TRIOBP: variants seen among roughly 807,000 people sequenced by gnomAD.
TRIOBP encodes the protein TRIO and F-actin-binding protein.
A neutral mutation model predicts 238.8 loss-of-function variants in TRIOBP; 169 were observed. The ratio of observed to expected loss-of-function variants is 0.71; its 90% CI spans 0.62 to 0.80. TRIOBP has a LOEUF of 0.80. Ranked by LOEUF, TRIOBP falls within the 30% of genes least tolerant of loss-of-function variation. The probability of loss-of-function intolerance (pLI) is 0.00; values close to 1 mark genes in which losing one functional copy is unlikely to be tolerated. For synonymous variants in TRIOBP, 1,150 were observed against 1,274.4 expected, an observed-to-expected ratio of 0.90 and a Z score of 2.08; for missense variants, 2,838 against 3,122.6, an observed-to-expected ratio of 0.91 and a Z score of 2.17.
chr22:37,748,651 G>A (rs1925411787), intron 11 of TRIOBP, among the ~76,000 whole-genome samples: 1 of 152,104 alleles, frequency 6.6e-6, no homozygotes, highest in African/African-American at 2.4e-5. Flanking sequence ...GGTAAACAGT[G>A]TATGTCCCTG....
intron 11 of TRIOBP, 188 bp from the exon 12 acceptor site, chr22:37,751,584 G>A (rs912395181): frequency 6.1e-6 from 4 of 650,556 alleles, no homozygotes; most frequent in African/African-American, 3.6e-5. Context: ...AAGGGGCCAG[G>A]GCTGCCTCAG....
chr22:37,764,492 TC>T (rs1926390432), intron 17 of TRIOBP, among the ~76,000 whole-genome samples: 1 of 152,174 alleles, frequency 6.6e-6, no homozygotes, highest in African/African-American at 2.4e-5. Context: ...ATTCAAGAGT[TC>T]CCCTGATAGG....
At chr22:37,758,762 T>G (rs1262131859) in intron 16 of TRIOBP, among the ~76,000 whole-genome samples, 1 of 152,006 alleles carries the variant, frequency 6.6e-6, no homozygotes, top group African/African-American at 2.4e-5. Context: ...CTGCACTGAC[T>G]CGTGGAATCC....
chr22:37,737,458 G>A (rs540931465), intron 9 of TRIOBP, among the ~76,000 whole-genome samples: 15 of 151,662 alleles, frequency 9.9e-5, no homozygotes, highest in African/African-American at 2.7e-4. Flanking sequence ...TCAGGAGATC[G>A]ACACCAGCCT....
At chr22:37,733,504 G>C in intron 8 of TRIOBP, 92 bp downstream of exon 8, 1 of 996,112 alleles carries the variant, frequency 1.0e-6, no homozygotes, top group Non-Finnish European at 1.6e-6. Flanking sequence ...GGCTTGGACA[G>C]GAAGGTCCTC....
In TRIOBP at chr22:37,757,917, C is replaced by T. The variant is rs1245577006; in HGVS notation, c.5992C>T (p.Pro1998Ser). ...GTTTGAGGCCACAGACAGCAGGACC[C>T]CAGAGGTGCCTGCTGGTGAGGGGCC... ...KWFEATDSRT[P>S]EVPAGEGPRR... The change falls in exon 16 of 24, where the codon CCA becomes TCA. Residue 1998 changes from proline to serine, a missense_variant. Around this residue, in one of 5 missense-constraint regions of TRIOBP, gnomAD observed 2,096 missense variants for 2,137.4 expected, o/e 0.98. Coordinates refer to ENST00000644935, the MANE Select transcript of TRIOBP (RefSeq NM_001039141.3). 2.6e-6 allele frequency: 4 copies of T among 1,553,974 alleles called. No homozygotes were observed. Among genetic ancestry groups the T allele is most frequent in the African/African-American group, 1.4e-5 (1 of 73,126 alleles).
In TRIOBP at chr22:37,757,808, C is replaced by G. The variant is rs777415241; in HGVS notation, c.5883C>G (p.Thr1961=). The change falls in exon 16 of 24, where the codon ACC becomes ACG. Residue 1961 remains threonine, a synonymous_variant. Transcript: ENST00000644935. ...LTQASPQRAR[T]PARTPDRLAK... The stretch of plus-strand genomic sequence containing the variant: ...AGGCTTCCCCGCAGCGGGCCCGCAC[C>G]CCAGCCCGCACTCCTGACCGCCTGG... 49 of 1,547,706 alleles carry G rather than the reference C, an allele frequency of 3.2e-5. No homozygotes were observed. The highest frequency in any genetic ancestry group is 4.1e-5 in the Non-Finnish European group (47 of 1,145,236).
chr22:37,702,506 G>A (rs1407118681), intron 3 of TRIOBP, among the ~76,000 whole-genome samples: 3 of 151,938 alleles, frequency 2.0e-5, no homozygotes, highest in African/African-American at 7.2e-5. Context: ...GCCTGGCCTC[G>A]AGAGTGTTTT....
At chr22:37,730,109 A>C (rs1924352962) in intron 7 of TRIOBP, among the ~76,000 whole-genome samples, 3 of 152,042 alleles carry the variant, frequency 2.0e-5, no homozygotes, top group African/African-American at 4.8e-5. Flanking sequence ...TCCTGTGGTC[A>C]TTTGAATTCA....
At chr22:37,741,420 A>G (rs920516116) in intron 11 of TRIOBP, among the ~76,000 whole-genome samples, 1 of 152,232 alleles carries the variant, frequency 6.6e-6, no homozygotes. Flanking sequence ...GGCCTGAGCC[A>G]GTTTCACAAA....
At chr22:37,758,577 G>A (rs184786425) in intron 16 of TRIOBP, among the ~76,000 whole-genome samples, 46 of 152,238 alleles carry the variant, frequency 3.0e-4, no homozygotes, top group Admixed American at 1.3e-3. Flanking sequence ...TTGAGAGGCT[G>A]AGGTGGGAGG....
chr22:37,733,411 AGGTGAGCACTGCCAGCTGTCTGG>A lies in TRIOBP; in HGVS notation c.4062+2_4062+24del. 6.5e-7 allele frequency: 1 copy of A among 1,550,242 alleles called. No homozygotes were observed. The highest frequency in any genetic ancestry group is 2.4e-5 in the East Asian group (1 of 40,922). ...CAGTCCAGCCCTGCCCCCAGCAGGC[AGGTGAGCACTGCCAGCTGTCTGG>A]GGCCCCGCACCCCAAGGGGCGGCCA... is the stretch of plus-strand genomic sequence containing the variant. On this transcript the variant is annotated splice_donor_variant and splice_donor_5th_base_variant and coding_sequence_variant and intron_variant, in exon 8 of 24. Coordinates refer to ENST00000644935, the MANE Select transcript of TRIOBP (RefSeq NM_001039141.3). LOFTEE classifies it high-confidence loss of function.
At chr22:37,746,069 C>T (rs1306542425) in intron 11 of TRIOBP, among the ~76,000 whole-genome samples, 10 of 148,302 alleles carry the variant, frequency 6.7e-5, no homozygotes, top group Admixed American at 4.7e-4. Flanking sequence ...GTCCCGCCGC[C>T]CCGCCGCCCT....
Position 37,724,508 on chromosome 22 carries a change from C to T in TRIOBP, c.1952C>T (p.Ser651Phe), listed in dbSNP as rs760246167. 14 of 1,603,582 alleles carry T rather than the reference C, an allele frequency of 8.7e-6. No homozygotes were observed. Among genetic ancestry groups the T allele is most frequent in the Admixed American group, 6.7e-5 (4 of 59,604 alleles). Residue 651 changes from serine to phenylalanine, a missense_variant, in exon 7 of 24, where the codon TCC becomes TTC. Transcript: ENST00000644935. Reference sequence around the variant, plus strand: ...ACCCAACAAGACAGCCCCAGAACATCCTGTGCCCGACGGGACGATCCCAGA... The same window carrying T: ...ACCCAACAAGACAGCCCCAGAACATTCTGTGCCCGACGGGACGATCCCAGA... ...RTTQQDSPRT[S>F]CARRDDPRAS...
chr22:37,740,842 T>A, intron 10 of TRIOBP, 53 bp from the exon 11 acceptor site: 1 of 1,551,848 alleles, frequency 6.4e-7, no homozygotes, highest in Non-Finnish European at 8.7e-7. Flanking sequence ...TAGCCAGGGG[T>A]GCCCCCATCC....
At position 37,735,315 on chromosome 22, in the gene TRIOBP, C is replaced by T. The variant is rs1924618583; in HGVS notation, c.4979C>T (p.Thr1660Ile). Residue 1660 changes from threonine (T) to isoleucine (I), a missense_variant, in exon 9 of 24, where the codon ACC becomes ATC. Thr to Ile is a moderately conservative substitution (Grantham distance 89). Around this residue, in one of 5 missense-constraint regions of TRIOBP, gnomAD observed 2,096 missense variants for 2,137.4 expected, o/e 0.98. Coordinates refer to ENST00000644935, the MANE Select transcript of TRIOBP (RefSeq NM_001039141.3). ...SPVQLPSPAC[T>I]STQWPKIKVT... The stretch of plus-strand genomic sequence containing the variant: ...GTCCAGCTGCCCAGCCCTGCCTGCA[C>T]CTCCACCCAGTGGCCAAAGATCAAA... The T allele has an allele frequency of 6.2e-7, 1 of 1,613,180 alleles. No individual in the cohort carries two copies. Among genetic ancestry groups the T allele is most frequent in the Non-Finnish European group, 8.5e-7 (1 of 1,179,672 alleles).
At chr22:37,708,517 C>G (rs1923070017) in intron 3 of TRIOBP, among the ~76,000 whole-genome samples, 1 of 152,208 alleles carries the variant, frequency 6.6e-6, no homozygotes, top group African/African-American at 2.4e-5. Context: ...CACCATTGCA[C>G]TCTAACCTGG....
chr22:37,736,925 C>A (rs961257706), intron 9 of TRIOBP, among the ~76,000 whole-genome samples: 7 of 152,306 alleles, frequency 4.6e-5, no homozygotes, highest in Admixed American at 2.0e-4. Flanking sequence ...CCATGCCCGG[C>A]CTAAGTCTGT....
chr22:37,765,980 G>A (rs1309448054), intron 18 of TRIOBP, among the ~76,000 whole-genome samples, 163 bp downstream of exon 18: 1 of 152,148 alleles, frequency 6.6e-6, no homozygotes, highest in African/African-American at 2.4e-5. Flanking sequence ...GAACTGGCCT[G>A]TAGCCCTACT....
Sources: gnomAD v4.1 joint callset for allele counts (sites outside exome capture counted in the v4.1 genomes callset) on GRCh38, gnomAD v4.1.1 for gene constraint, gnomAD v4.1.1 regional missense constraint, MANE v1.5 for transcripts, NCBI Gene and HGNC (gene_info 2026-07-23, HGNC 2026-07-21) for gene names.